Variants in AFG2A observed in about 807,000 individuals in gnomAD.
The protein encoded by AFG2A is AAA ATPase AFG2A.
At chr4:122,954,365 T>C in the AFG2A span, among the ~76,000 whole-genome samples, 3 of 152,198 alleles carry the variant, frequency 2.0e-5, no homozygotes, top group South Asian at 2.1e-4. Context: ...TAGTGCTGCA[T>C]TGTGGTATGC....
At chr4:122,929,368 T>G in the AFG2A span, among the ~76,000 whole-genome samples, 17 of 152,152 alleles carry the variant, frequency 1.1e-4, no homozygotes, top group Non-Finnish European at 2.2e-4. Context: ...CCAGTATATA[T>G]AAAAATGTAT....
the AFG2A span, among the ~76,000 whole-genome samples, chr4:123,043,469 A>G: frequency 4.2e-3 from 636 of 152,204 alleles, 4 homozygotes; most frequent in Non-Finnish European, 4.9e-3. Flanking sequence ...GGGGACTTCA[A>G]AAAGTTCATG....
the AFG2A span, among the ~76,000 whole-genome samples, chr4:123,068,982 A>C: frequency 2.6e-5 from 4 of 152,328 alleles, no homozygotes; most frequent in African/African-American, 9.6e-5. Context: ...AAGAACTCCA[A>C]AAAGAATTAC....
the AFG2A span, among the ~76,000 whole-genome samples, chr4:122,940,714 ATG>A: frequency 6.6e-6 from 1 of 152,088 alleles, no homozygotes; most frequent in Non-Finnish European, 1.5e-5. Flanking sequence ...ACCCATGCCT[ATG>A]TCCTGAATGG....
the AFG2A span, among the ~76,000 whole-genome samples, chr4:122,990,072 C>G: frequency 6.6e-6 from 1 of 151,974 alleles, no homozygotes; most frequent in Non-Finnish European, 1.5e-5. Context: ...CTCTGTGTTG[C>G]CCAGAGTAGT....
the AFG2A span, among the ~76,000 whole-genome samples, chr4:123,176,065 A>C: frequency 9.2e-5 from 14 of 152,214 alleles, no homozygotes. Flanking sequence ...AGACAACACC[A>C]TGATTGATTA....
At chr4:123,241,570 A>C in the AFG2A span, among the ~76,000 whole-genome samples, 6 of 152,098 alleles carry the variant, frequency 3.9e-5, no homozygotes, top group Admixed American at 3.9e-4. Context: ...AGGCCTTCGA[A>C]AAAATTCAAC....
chr4:123,318,494 T>A, the AFG2A span: 3 of 152,226 alleles, frequency 2.0e-5, no homozygotes, highest in Non-Finnish European at 4.4e-5. Flanking sequence ...GCTTGTTCCC[T>A]TTTTACAAAA....
the AFG2A span, among the ~76,000 whole-genome samples, chr4:123,076,151 G>A: frequency 8.2e-4 from 124 of 151,726 alleles, 1 homozygote; most frequent in Non-Finnish European, 1.4e-3. Context: ...CAAACCTATA[G>A]TTCTAGCTAC....
chr4:122,923,080 C>T, the AFG2A span: 1 of 1,597,298 alleles, frequency 6.3e-7, no homozygotes, highest in Admixed American at 1.7e-5. Context: ...AAGTTTTTCT[C>T]TCAGTTGAAG....
At chr4:123,265,281 G>A in the AFG2A span, among the ~76,000 whole-genome samples, 9 of 152,176 alleles carry the variant, frequency 5.9e-5, no homozygotes, top group South Asian at 1.0e-3. Context: ...GATAAAAAGC[G>A]TTATAGAATG....
the AFG2A span, among the ~76,000 whole-genome samples, chr4:123,120,719 A>G: frequency 1.3e-5 from 2 of 152,270 alleles, no homozygotes; most frequent in African/African-American, 4.8e-5. Flanking sequence ...AGCATAGTGC[A>G]TTACTCTTGT....
At chr4:122,947,361 G>T in the AFG2A span, 49 of 1,614,030 alleles carry the variant, frequency 3.0e-5, no homozygotes, top group South Asian at 3.4e-4. Flanking sequence ...CTCAGGACCG[G>T]CTAGATATTC....
chr4:123,101,254 T>C, the AFG2A span, among the ~76,000 whole-genome samples: 1 of 151,900 alleles, frequency 6.6e-6, no homozygotes, highest in Non-Finnish European at 1.5e-5. Context: ...CAAAGAGAAC[T>C]CCTAAAGAGA....
chr4:123,256,100 C>A, the AFG2A span: 1 of 1,614,110 alleles, frequency 6.2e-7, no homozygotes, highest in Non-Finnish European at 8.5e-7. Flanking sequence ...ATTTAAGCTG[C>A]AGTTTCACTC....
the AFG2A span, among the ~76,000 whole-genome samples, chr4:123,262,587 A>C: frequency 6.6e-6 from 1 of 152,256 alleles, no homozygotes; most frequent in Non-Finnish European, 1.5e-5. Flanking sequence ...ATAGTGACTT[A>C]GCAAACTAAA....
the AFG2A span, chr4:122,927,518 A>C: frequency 2.0e-6 from 2 of 981,278 alleles, no homozygotes; most frequent in Non-Finnish European, 2.9e-6. Context: ...TCTCCAGGGT[A>C]TGGTAAGTAC....
chr4:123,103,222 G>C, the AFG2A span, among the ~76,000 whole-genome samples: 2 of 152,068 alleles, frequency 1.3e-5, no homozygotes, highest in African/African-American at 4.8e-5. Context: ...AAGCAAGAGA[G>C]TGTGTCCTCT....
At chr4:123,106,745 A>C in the AFG2A span, among the ~76,000 whole-genome samples, 6 of 152,230 alleles carry the variant, frequency 3.9e-5, no homozygotes, top group African/African-American at 1.4e-4. Flanking sequence ...CTCCATGGCC[A>C]GTGGCTCCTT....
Sources: allele counts gnomAD v4.1 joint callset (sites outside exome capture counted in the v4.1 genomes callset), GRCh38; gene constraint gnomAD v4.1.1; transcripts MANE v1.5; gene names NCBI Gene and HGNC (gene_info 2026-07-23, HGNC 2026-07-21).